DSCAML1: variants seen among roughly 807,000 people sequenced by gnomAD.
DSCAML1 encodes cell adhesion molecule DSCAML1.
In DSCAML1, 38 loss-of-function variants were observed where a neutral mutation model predicts 200.5. The observed-to-expected ratio is 0.19, with a 90% CI of 0.15 to 0.25. The LOEUF is 0.25. Ranked by LOEUF, DSCAML1 falls within the 10% of genes least tolerant of loss-of-function variation. DSCAML1 has a pLI of 1.00. For missense variants in DSCAML1, 2,223 were observed against 2,858.8 expected, an observed-to-expected ratio of 0.78 and a Z score of 5.07; for synonymous variants, 1,215 against 1,165.0, an observed-to-expected ratio of 1.04 and a Z score of -0.87.
intron 3 of DSCAML1, among the ~76,000 whole-genome samples, chr11:117,574,791 C>T (rs933225269): frequency 6.6e-6 from 1 of 152,196 alleles, no homozygotes; most frequent in Non-Finnish European, 1.5e-5. Context: ...CAGAAAGCAG[C>T]ATGTGCAAAG....
Position 117,757,541 on chromosome 11 carries a change from A to C in DSCAML1, c.511+19250T>G, listed in dbSNP as rs11216530. ...AGATATCCATCTACAAGATGTATAGAGCATACGCATTTTTAACCAATTAGG... is the reference window on the plus strand; with the variant it reads ...AGATATCCATCTACAAGATGTATAGCGCATACGCATTTTTAACCAATTAGG... On this transcript the variant is annotated intron_variant, in intron 3 of 32. Transcript: ENST00000651296. Among the ~76,000 whole-genome samples the C allele has an allele frequency of 5.7e-3, 869 of 151,694 alleles. 6 individuals carry two copies. The highest frequency in any genetic ancestry group is 0.016 in the African/African-American group (662 of 41,380).
Position 117,525,002 on chromosome 11 carries a change from C to G in DSCAML1, c.740G>C (p.Cys247Ser). The change falls in exon 5 of 33, where the codon TGC (cysteine) becomes TCC (serine). Residue 247 changes from cysteine (C) to serine (S), a missense_variant. By Grantham distance (112) the Cys-to-Ser change is moderately radical. This residue lies in a region of DSCAML1 where 579 missense variants were observed against 721.5 expected (regional missense o/e 0.80). Coordinates refer to ENST00000651296, the MANE Select transcript of DSCAML1 (RefSeq NM_020693.4). ...GGGGATAGGGTAGCCCGAGGCGGTG[C>G]AGGGCAGCTCCACGGTGTGGCCGGC... Reference protein sequence around the residue: ...VWAGHTVELPCTASGYPIPAI... With the variant: ...VWAGHTVELPSTASGYPIPAI... 1 of 1,610,328 alleles carries G rather than the reference C, an allele frequency of 6.2e-7. No homozygotes were observed. The highest frequency in any genetic ancestry group is 8.5e-7 in the Non-Finnish European group (1 of 1,178,812).
intron 16 of DSCAML1, 27 bp from the exon 17 acceptor site, chr11:117,465,209 C>T: frequency 6.2e-7 from 1 of 1,608,146 alleles, no homozygotes; most frequent in East Asian, 2.2e-5. Flanking sequence ...GGGGTGGGCA[C>T]AAAGAAATGG....
chr11:117,599,771 G>T (rs148773231), intron 3 of DSCAML1, among the ~76,000 whole-genome samples: 22 of 152,330 alleles, frequency 1.4e-4, no homozygotes, highest in Non-Finnish European at 2.8e-4. Context: ...TGGGCATACA[G>T]TGCACAGAGA....
At chr11:117,562,134 G>C (rs2050674786) in intron 3 of DSCAML1, among the ~76,000 whole-genome samples, 1 of 152,188 alleles carries the variant, frequency 6.6e-6, no homozygotes, top group Admixed American at 6.5e-5. Context: ...GCTTTCTGGG[G>C]CTCTGGGTCT....
intron 1 of DSCAML1, among the ~76,000 whole-genome samples, chr11:117,782,125 G>A (rs900202547): frequency 1.3e-5 from 2 of 152,168 alleles, no homozygotes. Context: ...ACGTTGCAGG[G>A]GACCCAACTT....
chr11:117,649,085 GTGTA>G (rs1373936092), intron 3 of DSCAML1, among the ~76,000 whole-genome samples: 17 of 147,170 alleles, frequency 1.2e-4, no homozygotes, highest in Non-Finnish European at 1.8e-4. Flanking sequence ...GTGTGTGTGT[GTGTA>G]TTTTTAGACA....
intron 3 of DSCAML1, among the ~76,000 whole-genome samples, chr11:117,545,127 G>A (rs967205816): frequency 2.6e-5 from 4 of 152,126 alleles, no homozygotes; most frequent in Non-Finnish European, 4.4e-5. Flanking sequence ...ATACTCGGGA[G>A]GCCGAGGCAG....
intron 3 of DSCAML1, among the ~76,000 whole-genome samples, chr11:117,686,729 G>A (rs184106007): frequency 3.7e-4 from 57 of 152,326 alleles, no homozygotes; most frequent in African/African-American, 1.4e-3. Flanking sequence ...GCGGGAGAAA[G>A]AGGCAGAGGG....
At chr11:117,512,687 T>C (rs73008498) in intron 8 of DSCAML1, among the ~76,000 whole-genome samples, 11,868 of 44,440 alleles carry the variant, frequency 0.27, 507 homozygotes, top group Middle Eastern at 0.34. Flanking sequence ...CACACACACA[T>C]GCCTGCTATG....
In DSCAML1 at chr11:117,795,608, C is replaced by T. The variant is rs556146895; in HGVS notation, c.46+1426G>A. ...GGCCTGAGAAACTCAACTACTTTGT[C>T]GACGATTTTTGAGGCCACCCTTCCT... On this transcript the variant is annotated intron_variant, in intron 1 of 32. Coordinates refer to ENST00000651296, the MANE Select transcript of DSCAML1 (RefSeq NM_020693.4). Among the ~76,000 whole-genome samples, 4 of 152,264 alleles carry T rather than the reference C, an allele frequency of 2.6e-5. No individual in the cohort carries two copies. The East Asian group carries it at 7.7e-4, about 29-fold the overall frequency.
At chr11:117,816,619 C>T (rs1327133515) in intron 1 of DSCAML1, among the ~76,000 whole-genome samples, 4 of 152,286 alleles carry the variant, frequency 2.6e-5, no homozygotes, top group African/African-American at 4.8e-5. Context: ...TGGGAGGAGA[C>T]GCTACACCAC....
intron 1 of DSCAML1, among the ~76,000 whole-genome samples, chr11:117,787,235 G>A (rs1591510930): frequency 6.6e-6 from 1 of 152,330 alleles, no homozygotes; most frequent in East Asian, 1.9e-4. Flanking sequence ...CTCAAGGGTT[G>A]TTATGGTTGG....
chr11:117,527,938 G>A (rs1029068238), intron 4 of DSCAML1, among the ~76,000 whole-genome samples: 3 of 152,190 alleles, frequency 2.0e-5, no homozygotes, highest in Non-Finnish European at 2.9e-5. Flanking sequence ...GGGTCACTGA[G>A]AAGCCCTGTG....
intron 3 of DSCAML1, among the ~76,000 whole-genome samples, chr11:117,538,373 G>A (rs1472982177): frequency 3.9e-5 from 6 of 152,262 alleles, no homozygotes; most frequent in South Asian, 4.1e-4. Context: ...TCCCCAGCAC[G>A]TGGGTGGCTG....
intron 3 of DSCAML1, among the ~76,000 whole-genome samples, chr11:117,602,295 T>C (rs990242250): frequency 2.0e-5 from 3 of 152,292 alleles, no homozygotes; most frequent in Admixed American, 6.5e-5. Flanking sequence ...GAGTGGCCGG[T>C]TGTCTTGGCA....
intron 3 of DSCAML1, among the ~76,000 whole-genome samples, chr11:117,589,729 G>A (rs1004390108): frequency 1.3e-5 from 2 of 152,188 alleles, no homozygotes; most frequent in Non-Finnish European, 2.9e-5. Context: ...GCTTTCAAAC[G>A]GGGAAGTTCT....
At chr11:117,457,539 C>T (rs542043859) in intron 19 of DSCAML1, among the ~76,000 whole-genome samples, 9 of 152,278 alleles carry the variant, frequency 5.9e-5, no homozygotes, top group African/African-American at 1.2e-4. Flanking sequence ...TGGCTCTGCC[C>T]GGAGCTGTCC....
intron 3 of DSCAML1, among the ~76,000 whole-genome samples, chr11:117,583,242 G>T (rs2051077293): frequency 6.6e-6 from 1 of 151,950 alleles, no homozygotes; most frequent in Non-Finnish European, 1.5e-5. Flanking sequence ...CCAGCCACTT[G>T]CACTGAAGAC....
Sources: gnomAD v4.1 joint callset for allele counts (sites outside exome capture counted in the v4.1 genomes callset) on GRCh38, gnomAD v4.1.1 for gene constraint, gnomAD v4.1.1 regional missense constraint, MANE v1.5 for transcripts, NCBI Gene and HGNC (gene_info 2026-07-23, HGNC 2026-07-21) for gene names.